The following SI variants were observed in gnomAD, a reference collection of about 807,000 sequenced individuals.
SI encodes the protein sucrase-isomaltase.
Under a neutral mutation model 253.3 loss-of-function variants are expected in SI, and 235 were observed. That is an observed-to-expected ratio of 0.93 (90% confidence interval 0.83 to 1.03). The LOEUF (loss-of-function observed/expected upper bound fraction) is 1.03. Ranked by LOEUF, SI falls within the 50% of genes least tolerant of loss-of-function variation. The pLI is 0.00. For synonymous variants in SI, 819 were observed against 712.0 expected (o/e 1.15, Z -2.39); for missense variants, 2,442 against 2,211.1 (o/e 1.10, Z -2.09).
At chr3:164,999,992 A>C (rs1197855380) in intron 37 of SI, among the ~76,000 whole-genome samples, 2 of 151,472 alleles carry the variant, frequency 1.3e-5, no homozygotes, top group African/African-American at 2.4e-5. Flanking sequence ...TAATCTTTTA[A>C]ATATACATTA....
At chr3:165,031,392 A>C (rs954659037) in intron 24 of SI, among the ~76,000 whole-genome samples, 2 of 148,256 alleles carry the variant, frequency 1.3e-5, no homozygotes, top group African/African-American at 2.4e-5. Flanking sequence ...AAAAGTGGAC[A>C]TACAAATAGC....
chr3:165,089,468 G>A, the SI span, among the ~76,000 whole-genome samples: 1 of 152,046 alleles, frequency 6.6e-6, no homozygotes, highest in African/African-American at 2.4e-5. Context: ...AACTGGAAGT[G>A]AATCTGCCAA....
At chr3:165,088,886 A>G in the SI span, among the ~76,000 whole-genome samples, 1 of 152,034 alleles carries the variant, frequency 6.6e-6, no homozygotes, top group East Asian at 1.9e-4. Context: ...TATGATTTGG[A>G]TTCAGTTTAT....
At chr3:165,001,962 A>G (rs1718275486) in intron 37 of SI, among the ~76,000 whole-genome samples, 1 of 151,544 alleles carries the variant, frequency 6.6e-6, no homozygotes, top group Non-Finnish European at 1.5e-5. Flanking sequence ...TAATTTATAA[A>G]TATTGACTTT....
the SI span, among the ~76,000 whole-genome samples, chr3:165,085,814 G>T: frequency 6.6e-6 from 1 of 152,084 alleles, no homozygotes; most frequent in Admixed American, 6.6e-5. Flanking sequence ...CTTCTTTGAT[G>T]TTTTCAGAAT....
At chr3:165,016,435 T>C (rs112086553) in intron 31 of SI, among the ~76,000 whole-genome samples, 127 of 152,088 alleles carry the variant, frequency 8.4e-4, no homozygotes, top group African/African-American at 2.8e-3. Context: ...AAATGACAAA[T>C]AGGACTTTTG....
intron 21 of SI, among the ~76,000 whole-genome samples, chr3:165,036,944 G>A (rs1275375912): frequency 6.6e-6 from 1 of 151,346 alleles, no homozygotes; most frequent in Non-Finnish European, 1.5e-5. Flanking sequence ...TATAACAGGA[G>A]TAATGAGATG....
intron 6 of SI, 111 bp from the exon 7 acceptor site, chr3:165,065,543 A>C (rs1188305782): frequency 6.1e-5 from 13 of 211,492 alleles, no homozygotes; most frequent in Non-Finnish European, 1.0e-4. Flanking sequence ...AGAAGATTTC[A>C]TTATAAACAT....
chr3:165,068,669 A>G (rs756441545), intron 5 of SI, 53 bp downstream of exon 5: 55 of 1,326,902 alleles, frequency 4.1e-5, no homozygotes, highest in Middle Eastern at 1.8e-4. Context: ...CACCGCGCCC[A>G]GCCCATCAAA....
chr3:165,021,301 C>T lies in SI; in HGVS notation c.3182G>A (p.Arg1061Lys). Residue 1061 changes from arginine (R) to lysine (K), a missense_variant, in exon 27 of 48, where the codon AGA becomes AAA. Coordinates refer to ENST00000264382, the MANE Select transcript of SI (RefSeq NM_001041.4). The stretch of plus-strand genomic sequence containing the variant: ...TTCCTTGATTTCCACATCATAAAGT[C>T]TGTCTTCATAAGTACTTATTGGGGT... The part of the protein sequence containing the change: ...PTTPISTYED[R>K]LYDVEIKENP... 6.2e-7 allele frequency: 1 copy of T among 1,611,362 alleles called. No individual in the cohort carries two copies. The highest frequency in any genetic ancestry group is 8.5e-7 in the Non-Finnish European group (1 of 1,178,092).
intron 13 of SI, among the ~76,000 whole-genome samples, chr3:165,050,733 A>C (rs916015656): frequency 6.6e-6 from 1 of 152,090 alleles, no homozygotes; most frequent in African/African-American, 2.4e-5. Context: ...CATCACATTC[A>C]GTCACATCCT....
At chr3:165,080,095 C>A (rs1034839346), upstream of SI, among the ~76,000 whole-genome samples, 1 of 151,958 alleles carries the variant, frequency 6.6e-6, no homozygotes, top group Non-Finnish European at 1.5e-5. Flanking sequence ...TAAACTCTGG[C>A]ATATCCATAC....
intron 8 of SI, among the ~76,000 whole-genome samples, chr3:165,063,040 C>T (rs1714058566): frequency 6.6e-6 from 1 of 152,018 alleles, no homozygotes; most frequent in Non-Finnish European, 1.5e-5. Flanking sequence ...AAATAAAATA[C>T]TACATTATAT....
chr3:165,067,961 T>A (rs1714334976), intron 5 of SI, among the ~76,000 whole-genome samples: 1 of 151,556 alleles, frequency 6.6e-6, no homozygotes, highest in African/African-American at 2.4e-5. Context: ...AAAAGAAAAA[T>A]TTAGTTCCAG....
chr3:165,013,673 CTA>C (rs1718878611), intron 33 of SI, among the ~76,000 whole-genome samples: 2 of 152,020 alleles, frequency 1.3e-5, no homozygotes, highest in Non-Finnish European at 2.9e-5. Flanking sequence ...TTTGAAAGTC[CTA>C]TATAAAAATA....
intron 15 of SI, among the ~76,000 whole-genome samples, chr3:165,048,578 T>G (rs796709054): frequency 8.2e-5 from 9 of 109,360 alleles, no homozygotes; most frequent in African/African-American, 1.3e-4. Context: ...TATATATATA[T>G]ATATATAGAG....
rs755154831 is a variant in SI at position 165,009,344 on chromosome 3, C to G, written c.4114G>C (p.Glu1372Gln). Residue 1372 changes from glutamate (E) to glutamine (Q), a missense_variant, in exon 35 of 48, where the codon GAG (glutamate) becomes CAG (glutamine). Transcript: ENST00000264382. ...TCCACAATTTCTCTGGCCCACCACT[C>G]TGCTGTGGAAGTCCTGAAGAAATCT... Reference protein sequence around the residue: ...FPDFFRTSTAEWWAREIVDFY... With the variant: ...FPDFFRTSTAQWWAREIVDFY... The G allele has an allele frequency of 5.0e-6, 8 of 1,613,696 alleles. No homozygotes were observed. The highest frequency in any genetic ancestry group is 6.8e-6 in the Non-Finnish European group (8 of 1,179,732).
At chr3:165,030,131 C>G (rs1053160513) in intron 25 of SI, among the ~76,000 whole-genome samples, 1 of 149,730 alleles carries the variant, frequency 6.7e-6, no homozygotes, top group South Asian at 2.1e-4. Context: ...TGACAAAACT[C>G]AATGATGTAA....
Position 165,004,558 on chromosome 3 carries a change from T to A in SI, c.4406+2258A>T, listed in dbSNP as rs560063079. On this transcript the variant is annotated intron_variant, in intron 37 of 47. Coordinates refer to ENST00000264382, the MANE Select transcript of SI (RefSeq NM_001041.4). The stretch of plus-strand genomic sequence containing the variant: ...AGCACCTTTAGTGTCCATCAACAGA[T>A]GATTAGATAAAGTAAATATGGTACA... 7.9e-5 allele frequency among the ~76,000 whole-genome samples: 12 copies of A among 152,188 alleles called. No individual in the cohort carries two copies. In the East Asian group the frequency reaches 2.3e-3, roughly 29 times the overall value.
Sources: gnomAD v4.1 joint callset for allele counts (sites outside exome capture counted in the v4.1 genomes callset) on GRCh38, gnomAD v4.1.1 for gene constraint, MANE v1.5 for transcripts, NCBI Gene and HGNC (gene_info 2026-07-23, HGNC 2026-07-21) for gene names.